Variants in CSTF3 observed in about 807,000 individuals in gnomAD.
CSTF3 encodes CF-1 77 kDa subunit.
In CSTF3, 29 loss-of-function variants were observed where a neutral mutation model predicts 105.8. That is an observed-to-expected ratio of 0.27 (90% CI 0.20 to 0.37). CSTF3 has a LOEUF of 0.37. CSTF3 is among the 10% of genes least tolerant of loss of function. The pLI is 1.00. For synonymous variants in CSTF3, 252 were observed against 281.9 expected, an observed-to-expected ratio of 0.89 and a Z score of 1.06; for missense variants, 357 against 879.3, an observed-to-expected ratio of 0.41 and a Z score of 7.51.
At chr11:33,114,082 T>C (rs1855407429) in intron 3 of CSTF3, among the ~76,000 whole-genome samples, 1 of 152,216 alleles carries the variant, frequency 6.6e-6, no homozygotes, top group Non-Finnish European at 1.5e-5. Context: ...TCAGATAAAT[T>C]ATTGGAACTA....
At chr11:33,122,169 A>T (rs1855496253) in intron 3 of CSTF3, among the ~76,000 whole-genome samples, 8 of 152,206 alleles carry the variant, frequency 5.3e-5, no homozygotes, top group Admixed American at 5.2e-4. Context: ...TGCATGTTGA[A>T]AACCAAATTC....
chr11:33,111,817 A>AGTAC (rs1382172056), intron 3 of CSTF3, among the ~76,000 whole-genome samples: 1 of 152,226 alleles, frequency 6.6e-6, no homozygotes. Context: ...TCTGATCTCT[A>AGTAC]GTACGTGGCC....
chr11:33,124,404 G>C (rs1855523439), intron 3 of CSTF3, among the ~76,000 whole-genome samples: 3 of 152,032 alleles, frequency 2.0e-5, no homozygotes, highest in Admixed American at 2.0e-4. Flanking sequence ...TGATATACTT[G>C]GGTAAAAATT....
chr11:33,155,268 G>C (rs560911932), intron 1 of CSTF3, among the ~76,000 whole-genome samples: 2 of 152,056 alleles, frequency 1.3e-5, no homozygotes, highest in East Asian at 3.9e-4. Context: ...GGAGGCTGAG[G>C]TAGGAGAATA....
In CSTF3 at chr11:33,090,643, T is replaced by C. The variant is rs1855160211; in HGVS notation, c.1530A>G (p.Thr510=). ...TCCCTTCATACTCTTCTTTGAATGC[T>C]GTAAACCGTCTTTTCTCCACTTTGA... ...SILKVEKRRF[T]AFKEEYEGKE... Residue 510 remains threonine (T), a synonymous_variant, in exon 17 of 21, where the codon ACA becomes ACG. Coordinates refer to ENST00000323959, the MANE Select transcript of CSTF3 (RefSeq NM_001326.3). 6.2e-7 allele frequency: 1 copy of C among 1,612,510 alleles called. No homozygotes were observed. Among genetic ancestry groups the C allele is most frequent in the African/African-American group, 1.3e-5 (1 of 74,884 alleles).
At chr11:33,096,591 G>A (rs7104129) in intron 14 of CSTF3, among the ~76,000 whole-genome samples, 183 bp from the exon 15 acceptor site, 2 of 151,996 alleles carry the variant, frequency 1.3e-5, no homozygotes, top group Admixed American at 6.6e-5. Context: ...TAGAAATCAC[G>A]AAATAGTGAT....
Position 33,099,003 on chromosome 11 carries a change from T to C in CSTF3, c.1053+31A>G. On this transcript the variant is annotated intron_variant, in intron 12 of 20. Coordinates refer to ENST00000323959, the MANE Select transcript of CSTF3 (RefSeq NM_001326.3). This position sits in a 1 kb window ranked among gnomAD's most constrained non-coding sequence, Gnocchi z 4.1. ...TTCAGTCCTGCACTAAAAAATTGAA[T>C]TATAAGAAGGCTCTAAACATTTTTA... 6.4e-7 allele frequency: 1 copy of C among 1,551,180 alleles called. No individual in the cohort carries two copies. Among genetic ancestry groups the C allele is most frequent in the Non-Finnish European group, 8.6e-7 (1 of 1,160,558 alleles).
chr11:33,156,946 C>T (rs1032656311), intron 1 of CSTF3: 5 of 268,844 alleles, frequency 1.9e-5, no homozygotes, highest in African/African-American at 9.2e-5. Context: ...TAAAGAAGTT[C>T]AAAACCCAAT....
In CSTF3 at chr11:33,105,867, C is replaced by G. The variant is rs375957641; in HGVS notation, c.458+16G>C. On this transcript the variant is annotated intron_variant, in intron 7 of 20. Coordinates refer to ENST00000323959, the MANE Select transcript of CSTF3 (RefSeq NM_001326.3). The stretch of plus-strand genomic sequence containing the variant: ...AATCAACTGTAGATGTAAAAAAAAA[C>G]TATACAAATACTTACACGCCTTTTA... 7 of 1,550,562 alleles carry G rather than the reference C, an allele frequency of 4.5e-6. No homozygotes were observed. Among genetic ancestry groups the G allele is most frequent in the Non-Finnish European group, 6.1e-6 (7 of 1,145,610 alleles).
intron 4 of CSTF3, 119 bp from the exon 5 acceptor site, chr11:33,108,119 A>G (rs1590268595): frequency 1.3e-5 from 8 of 637,808 alleles, no homozygotes; most frequent in Middle Eastern, 4.5e-4. Context: ...TCTTATAAAT[A>G]AAAAGCAAAT....
rs1855228425 is a variant in CSTF3 at position 33,096,965 on chromosome 11, T to G, written c.1142A>C (p.Tyr381Ser). 1 of 1,599,724 alleles carries G rather than the reference T, an allele frequency of 6.3e-7. No individual in the cohort carries two copies. The highest frequency in any genetic ancestry group is 1.1e-5 in the South Asian group (1 of 90,652). The change falls in exon 14 of 21, where the codon TAT becomes TCT. Residue 381 changes from tyrosine (Y) to serine (S), a missense_variant. By Grantham distance (144) the Tyr-to-Ser change is moderately radical. This residue lies in a region of CSTF3 where 206 missense variants were observed against 576.5 expected (regional missense o/e 0.36). Coordinates refer to ENST00000323959, the MANE Select transcript of CSTF3 (RefSeq NM_001326.3). ...DIDPTLVYIQ[Y>S]MKFARRAEGI... ...TTCTGCTCTCCGTGCAAATTTCATA[T>G]ATTGGATATATACCTATGCAAAAGA...
chr11:33,085,035 T>C lies in CSTF3; in HGVS notation c.*52A>G. ...GCGTTGTCTCTTTTAAACATACCAC[T>C]TGAGGCAAAAGGAATCCTGGACAGG... On this transcript the variant is annotated 3_prime_UTR_variant, in exon 21 of 21. Coordinates refer to ENST00000323959, the MANE Select transcript of CSTF3 (RefSeq NM_001326.3). 2 of 1,591,574 alleles carry C rather than the reference T, an allele frequency of 1.3e-6. No individual in the cohort carries two copies. The highest frequency in any genetic ancestry group is 1.7e-6 in the Non-Finnish European group (2 of 1,159,814).
At chr11:33,154,500 T>C (rs1221516106) in intron 1 of CSTF3, among the ~76,000 whole-genome samples, 48 of 145,628 alleles carry the variant, frequency 3.3e-4, no homozygotes, top group African/African-American at 1.1e-3. Context: ...TCTTTTTTTT[T>C]TTTTTTTTTT....
At chr11:33,085,841 A>T in intron 19 of CSTF3, 54 bp downstream of exon 19, 1 of 1,587,856 alleles carries the variant, frequency 6.3e-7, no homozygotes, top group Non-Finnish European at 8.6e-7. Context: ...AACTTTATAC[A>T]CAATTACTAT....
chr11:33,151,198 C>CT (rs1183079156), intron 1 of CSTF3, among the ~76,000 whole-genome samples: 4 of 151,774 alleles, frequency 2.6e-5, no homozygotes, highest in African/African-American at 9.7e-5. Context: ...TTCTAGTTTT[C>CT]TTTTTTCTTT....
At chr11:33,129,296 T>C (rs1855574728) in intron 3 of CSTF3, among the ~76,000 whole-genome samples, 1 of 152,126 alleles carries the variant, frequency 6.6e-6, no homozygotes, top group Non-Finnish European at 1.5e-5. Flanking sequence ...GTCACCAGGT[T>C]GGGCAGGCTG....
chr11:33,102,984 C>T, intron 9 of CSTF3, 123 bp downstream of exon 9: 1 of 631,214 alleles, frequency 1.6e-6, no homozygotes, highest in Non-Finnish European at 2.8e-6. Context: ...TCAGACTTTG[C>T]AATTAATTGC....
chr11:33,106,085 G>A lies in CSTF3; in HGVS notation c.357-21C>T, dbSNP rs778297939. The A allele has an allele frequency of 7.5e-6, 12 of 1,598,784 alleles. No homozygotes were observed. The South Asian group carries it at 8.9e-5, about 12-fold the overall frequency. The stretch of plus-strand genomic sequence containing the variant: ...TTTCTCTGAAATGAACATGAAAGAC[G>A]TGGTTTTTAAATTTTTTTGTTATTA... On this transcript the variant is annotated intron_variant, in intron 5 of 20. Transcript: ENST00000323959.
chr11:33,131,949 T>G (rs898153391), intron 3 of CSTF3, among the ~76,000 whole-genome samples: 1 of 152,072 alleles, frequency 6.6e-6, no homozygotes, highest in Non-Finnish European at 1.5e-5. Context: ...GTACTATTCT[T>G]TATATAAGCA....
Sources: gnomAD v4.1 joint callset for allele counts (sites outside exome capture counted in the v4.1 genomes callset) on GRCh38, gnomAD v4.1.1 for gene constraint, gnomAD v4.1.1 regional missense constraint, Gnocchi (gnomAD v3.1) non-coding constraint, MANE v1.5 for transcripts, NCBI Gene and HGNC (gene_info 2026-07-23, HGNC 2026-07-21) for gene names.